The following TP53AIP1 variants were observed in gnomAD, a reference collection of about 807,000 sequenced individuals.
The protein encoded by TP53AIP1 is p53-regulated apoptosis-inducing protein 1.
In TP53AIP1, 14 loss-of-function variants were observed where a neutral mutation model predicts 9.5. The ratio of observed to expected loss-of-function variants is 1.47; its 90% CI spans 0.97 to 2.30. The LOEUF (loss-of-function observed/expected upper bound fraction) is 2.30. Ranked by LOEUF, TP53AIP1 falls within the 30% of genes most tolerant of loss-of-function variation. TP53AIP1 has a pLI of 0.00. For synonymous variants in TP53AIP1, 73 were observed against 61.2 expected, an observed-to-expected ratio of 1.19 and a Z score of -0.90; for missense variants, 153 against 146.7, an observed-to-expected ratio of 1.04 and a Z score of -0.22.
rs530440304 is a variant in TP53AIP1 at position 128,937,534 on chromosome 11, C to T, written c.141+144G>A. 61 of 1,612,854 alleles carry T rather than the reference C, an allele frequency of 3.8e-5. No individual in the cohort carries two copies. Among genetic ancestry groups the T allele is most frequent in the African/African-American group, 8.0e-5 (6 of 75,014 alleles). On this transcript the variant is annotated intron_variant, in intron 2 of 3. Coordinates refer to ENST00000531399, the MANE Select transcript of TP53AIP1 (RefSeq NM_022112.3). This position sits in a 1 kb window ranked among gnomAD's most constrained non-coding sequence, Gnocchi z 4.8. ...CCAATGCTCTGAACTGGGGACAGTCCGCATGCAGCTCTGAGGACCCAGATG... is the reference window on the plus strand; with the variant it reads ...CCAATGCTCTGAACTGGGGACAGTCTGCATGCAGCTCTGAGGACCCAGATG...
At chr11:128,936,483 C>A in intron 3 of TP53AIP1, 55 bp downstream of exon 3, 1 of 1,492,856 alleles carries the variant, frequency 6.7e-7, no homozygotes, top group Non-Finnish European at 8.9e-7. Flanking sequence ...GACATCAAAT[C>A]ACTTAATTCT....
intron 1 of TP53AIP1, among the ~76,000 whole-genome samples, chr11:128,940,386 A>G (rs960700121): frequency 2.6e-5 from 4 of 152,170 alleles, no homozygotes; most frequent in African/African-American, 9.7e-5. Context: ...TCCCCCGCAA[A>G]ATCCAGGTGT....
rs928281722 is a variant in TP53AIP1 at position 128,937,043 on chromosome 11, G to A, written c.142-394C>T. 1.9e-6 allele frequency: 2 copies of A among 1,051,364 alleles called. No individual in the cohort carries two copies. Among genetic ancestry groups the A allele is most frequent in the Non-Finnish European group, 2.3e-6 (2 of 871,978 alleles). The allele number at this position is 1,051,364 out of a possible 1,614,324, so 65.1% of individuals were successfully genotyped here. ...CTCCAGGGAGGTGTAGGCGCTCCTGGCTCCTGGCAGACTCCTGGCCCAGGC... is the reference window on the plus strand; with the variant it reads ...CTCCAGGGAGGTGTAGGCGCTCCTGACTCCTGGCAGACTCCTGGCCCAGGC... On this transcript the variant is annotated intron_variant, in intron 2 of 3. Coordinates refer to ENST00000531399, the MANE Select transcript of TP53AIP1 (RefSeq NM_022112.3). This position sits in a 1 kb window ranked among gnomAD's most constrained non-coding sequence, Gnocchi z 4.8.
chr11:128,935,159 G>T, downstream of TP53AIP1: 1 of 889,448 alleles, frequency 1.1e-6, no homozygotes, highest in Non-Finnish European at 1.8e-6. Flanking sequence ...CCCGGGGCTT[G>T]CTGGTTGGCA....
At chr11:128,942,243 G>T (rs796735402) in intron 1 of TP53AIP1, among the ~76,000 whole-genome samples, 1 of 152,176 alleles carries the variant, frequency 6.6e-6, no homozygotes, top group Admixed American at 6.5e-5. Flanking sequence ...CCCACAGCTC[G>T]CGTCCTTCCT....
downstream of TP53AIP1, chr11:128,934,744 C>T (rs1442388229): frequency 2.4e-6 from 1 of 424,412 alleles, no homozygotes; most frequent in East Asian, 4.7e-5. Flanking sequence ...GAGTGCACAT[C>T]ATTTATTTGG....
At position 128,936,531 on chromosome 11, in the gene TP53AIP1, C is replaced by T. The variant is rs1484679203; in HGVS notation, c.253+7G>A. The T allele has an allele frequency of 6.4e-7, 1 of 1,556,556 alleles. No homozygotes were observed. ...ACCCATGAATTCACTAAGTAATTAT[C>T]ACACACCTGTCAGGATCCAGACAGT... On this transcript the variant is annotated splice_region_variant and intron_variant, in intron 3 of 3. Transcript: ENST00000531399.
chr11:128,940,962 C>T (rs1467686184), intron 1 of TP53AIP1, among the ~76,000 whole-genome samples: 1 of 152,146 alleles, frequency 6.6e-6, no homozygotes, highest in Non-Finnish European at 1.5e-5. Context: ...ATCCAGAGAT[C>T]CCCCGACTTT....
chr11:128,935,214 C>T (rs953283614), downstream of TP53AIP1, among the ~76,000 whole-genome samples: 19 of 152,238 alleles, frequency 1.2e-4, no homozygotes, highest in South Asian at 2.1e-4. Context: ...CTTCTCAAAC[C>T]GTCCTTGGAA....
intron 1 of TP53AIP1, among the ~76,000 whole-genome samples, chr11:128,941,037 A>G (rs1321467179): frequency 6.6e-6 from 1 of 152,206 alleles, no homozygotes. Flanking sequence ...AAGGGAGGGC[A>G]GCCAGAAGGG....
chr11:128,938,505 C>T (rs1944878763), intron 1 of TP53AIP1, among the ~76,000 whole-genome samples: 1 of 152,212 alleles, frequency 6.6e-6, no homozygotes, highest in Admixed American at 6.5e-5. Context: ...GGTCCCTCAA[C>T]CCAGGGAAGC....
rs1333188895 is a variant in TP53AIP1, at chr11:128,935,673, G to A, written c.293C>T (p.Ala98Val). ...CAGTGGCCTGTCTCTAAGCACTGTG[G>A]CTCCAGGAAGGAAAGGCCTGGAGAG... ...LGLSRPFLPG[A>V]TVLRDRPLGS... Residue 98 changes from alanine (A) to valine (V), a missense_variant, in exon 4 of 4, where the codon GCC (alanine) becomes GTC (valine). Physicochemically the swap from Ala to Val is moderately conservative, Grantham distance 64 (BLOSUM62 0). Coordinates refer to ENST00000531399, the MANE Select transcript of TP53AIP1 (RefSeq NM_022112.3). The A allele has an allele frequency of 3.2e-6, 5 of 1,586,230 alleles. No individual in the cohort carries two copies. Among genetic ancestry groups the A allele is most frequent in the Non-Finnish European group, 4.3e-6 (5 of 1,174,012 alleles).
At chr11:128,940,512 C>T (rs568184829) in intron 1 of TP53AIP1, among the ~76,000 whole-genome samples, 9 of 152,296 alleles carry the variant, frequency 5.9e-5, no homozygotes, top group African/African-American at 1.9e-4. Flanking sequence ...GTTGCCCTTC[C>T]ACCTTCAGCC....
At chr11:128,938,891 C>T (rs1470653411) in intron 1 of TP53AIP1, among the ~76,000 whole-genome samples, 1 of 152,116 alleles carries the variant, frequency 6.6e-6, no homozygotes, top group Non-Finnish European at 1.5e-5. Context: ...TCATCACAGG[C>T]CAGAAGCCCA....
At position 128,937,525 on chromosome 11, in the gene TP53AIP1, G is replaced by C; in HGVS notation, c.141+153C>G. The C allele has an allele frequency of 1.2e-6, 2 of 1,611,524 alleles. No individual in the cohort carries two copies. The highest frequency in any genetic ancestry group is 1.7e-6 in the Non-Finnish European group (2 of 1,178,652). ...CAGCTCTGTCCAATGCTCTGAACTG[G>C]GGACAGTCCGCATGCAGCTCTGAGG... On this transcript the variant is annotated intron_variant, in intron 2 of 3. Transcript: ENST00000531399. This position sits in a 1 kb window ranked among gnomAD's most constrained non-coding sequence, Gnocchi z 4.8.
At chr11:128,936,146 G>C in intron 3 of TP53AIP1, 1 of 1,030,332 alleles carries the variant, frequency 9.7e-7, no homozygotes, top group Non-Finnish European at 1.2e-6. Flanking sequence ...GGTAGAGTCA[G>C]GATTTGAACC....
Position 128,937,464 on chromosome 11 carries a change from T to C in TP53AIP1, c.141+214A>G. On this transcript the variant is annotated intron_variant, in intron 2 of 3. Transcript: ENST00000531399. This position sits in a 1 kb window ranked among gnomAD's most constrained non-coding sequence, Gnocchi z 4.8. ...ATTCCGAGGAGGAGGAGGGCTGGCC[T>C]TCCTCTTGGGACTATTGATCAGGGC... The C allele has an allele frequency of 6.6e-7, 1 of 1,522,074 alleles. No homozygotes were observed. Among genetic ancestry groups the C allele is most frequent in the Non-Finnish European group, 8.8e-7 (1 of 1,133,626 alleles). 94.3% of individuals were successfully genotyped at this position (1,522,074 alleles called of 1,614,324 possible). A position where few individuals can be genotyped will look rare whatever the true frequency, so the allele number is the denominator to read the frequency against.
chr11:128,936,915 T>G, intron 2 of TP53AIP1: 15 of 1,210,776 alleles, frequency 1.2e-5, no homozygotes, highest in East Asian at 4.3e-5. Context: ...AAACCGGCGC[T>G]TCCTCCCTCC....
intron 1 of TP53AIP1, among the ~76,000 whole-genome samples, chr11:128,941,364 T>C (rs573579595): frequency 1.3e-5 from 2 of 152,260 alleles, no homozygotes; most frequent in South Asian, 4.1e-4. Flanking sequence ...CCTAACCTCC[T>C]CCCAGCTGGG....
Sources: gnomAD v4.1 joint callset for allele counts (sites outside exome capture counted in the v4.1 genomes callset) on GRCh38, gnomAD v4.1.1 for gene constraint, Gnocchi (gnomAD v3.1) non-coding constraint, MANE v1.5 for transcripts, NCBI Gene and HGNC (gene_info 2026-07-23, HGNC 2026-07-21) for gene names.